The following TASOR2 variants were observed in gnomAD, a reference collection of about 807,000 sequenced individuals.
The protein encoded by TASOR2 is transcription activation suppressor family member 2, also known as protein TASOR 2.
TASOR2 carries 84 observed loss-of-function variants against 199.5 expected under a neutral mutation model. The observed-to-expected ratio is 0.42, with a 90% CI of 0.35 to 0.50. The LOEUF (loss-of-function observed/expected upper bound fraction) is 0.50, where lower values mean the gene tolerates loss of function less well. TASOR2 is among the 20% of genes least tolerant of loss of function. The probability of loss-of-function intolerance (pLI) is 0.02; values close to 1 mark genes in which losing one functional copy is unlikely to be tolerated. For synonymous variants in TASOR2, 1,103 were observed against 1,046.6 expected, an observed-to-expected ratio of 1.05 and a Z score of -1.04; for missense variants, 2,796 against 2,835.9, an observed-to-expected ratio of 0.99 and a Z score of 0.32.
Position 5,742,301 on chromosome 10 carries a change from G to C in TASOR2, c.2532G>C (p.Leu844Phe), listed in dbSNP as rs532857326. 1.9e-6 allele frequency: 3 copies of C among 1,614,160 alleles called. No homozygotes were observed. The highest frequency in any genetic ancestry group is 1.1e-5 in the South Asian group (1 of 91,082). The change falls in exon 14 of 21, where the codon TTG (leucine) becomes TTC (phenylalanine). Residue 844 changes from leucine (L) to phenylalanine (F), a missense_variant. Leu to Phe is a conservative substitution (Grantham distance 22). Around this residue, in one of 3 missense-constraint regions of TASOR2, gnomAD observed 1,941 missense variants for 1,924.9 expected, o/e 1.01. Coordinates refer to ENST00000328090, the Ensembl canonical transcript of TASOR2. This position sits in a 1 kb window ranked among gnomAD's most constrained non-coding sequence, Gnocchi z 4.2. The stretch of plus-strand genomic sequence containing the variant: ...GTGAAATTGAGGAGTCCCTTGGTTT[G>C]GAAAAATGTTCTGCAGACTCTCTGT...
rs1200447105 is a variant in TASOR2 at position 5,738,362 on chromosome 10, AC to A, written c.1448-1255del. On this transcript the variant is annotated intron_variant, in intron 12 of 20. Coordinates refer to ENST00000328090, the Ensembl canonical transcript of TASOR2. This position sits in a 1 kb window ranked among gnomAD's most constrained non-coding sequence, Gnocchi z 4.7. ...TACAGTATCTTTTATATTAGGCCTT[AC>A]TGGTAAGTAATATTTTGTGTAAGGG... Among the ~76,000 whole-genome samples, 3 of 152,182 alleles carry A rather than the reference AC, an allele frequency of 2.0e-5. No individual in the cohort carries two copies. The highest frequency in any genetic ancestry group is 4.4e-5 in the Non-Finnish European group (3 of 68,042).
At chr10:5,762,921 G>T (rs2131672250) in intron 20 of TASOR2, 108 bp from the exon 22 acceptor site, 1 of 1,021,768 alleles carries the variant, frequency 9.8e-7, no homozygotes, top group Middle Eastern at 2.2e-4. Flanking sequence ...AGAACATAAT[G>T]TAACCTTAGA....
chr10:5,747,432 G>A (rs758333168), exon 15 of TASOR2: 1 of 1,614,126 alleles, frequency 6.2e-7, no homozygotes, highest in Admixed American at 1.7e-5. Context: ...GCAGAGAAGT[G>A]AGTTCTGCTG....
chr10:5,740,621 A>G lies in TASOR2; in HGVS notation c.2327+124A>G. On this transcript the variant is annotated intron_variant, in intron 13 of 20. Transcript: ENST00000328090. This position sits in a 1 kb window ranked among gnomAD's most constrained non-coding sequence, Gnocchi z 5.3. ...AAGAAGTGTTGTGTTTAAAACCAGT[A>G]ATTTGATAATAACATCAAGCAAACA... The G allele has an allele frequency of 9.9e-7, 1 of 1,013,270 alleles. No homozygotes were observed. Among genetic ancestry groups the G allele is most frequent in the South Asian group, 1.7e-5 (1 of 58,862 alleles). The allele number at this position is 1,013,270 out of a possible 1,614,324, so 62.8% of individuals were successfully genotyped here.
chr10:5,753,739 C>T (rs1838423006), intron 15 of TASOR2, among the ~76,000 whole-genome samples: 1 of 152,162 alleles, frequency 6.6e-6, no homozygotes, highest in Non-Finnish European at 1.5e-5. Flanking sequence ...AGTTCCTTGC[C>T]ATTTCGGTAA....
intron 15 of TASOR2, among the ~76,000 whole-genome samples, chr10:5,753,470 C>T (rs1838361752): frequency 6.6e-6 from 1 of 152,200 alleles, no homozygotes; most frequent in African/African-American, 2.4e-5. Flanking sequence ...TCACACCATT[C>T]TCCTGCCTCT....
At chr10:5,744,103 C>T (rs1288716134) in intron 14 of TASOR2, 1 of 152,126 alleles carries the variant, frequency 6.6e-6, no homozygotes. Flanking sequence ...AGAAATATAT[C>T]AAGATTGTCA....
chr10:5,697,091 G>GAAT (rs1837254856), intron 1 of TASOR2, among the ~76,000 whole-genome samples: 2 of 151,950 alleles, frequency 1.3e-5, no homozygotes, highest in African/African-American at 4.8e-5. Flanking sequence ...GACTTTCTAG[G>GAAT]TTGAAAGGGC....
In TASOR2 at chr10:5,754,634, A is replaced by G. The variant is rs1195522959; in HGVS notation, c.6607-1979A>G. 1.3e-5 allele frequency among the ~76,000 whole-genome samples: 2 copies of G among 151,996 alleles called. No homozygotes were observed. Among genetic ancestry groups the G allele is most frequent in the Non-Finnish European group, 2.9e-5 (2 of 67,988 alleles). ...CGAACTCCATAGCAGGAGTTCTTCT[A>G]GATATCTTGCTTGTTTCTATAGTGA... On this transcript the variant is annotated intron_variant, in intron 15 of 20. Transcript: ENST00000328090. The surrounding 1 kb of genome is among the most constrained non-coding windows in gnomAD (Gnocchi z 4.3).
chr10:5,762,846 C>A, intron 20 of TASOR2, 183 bp from the exon 22 acceptor site: 1 of 637,430 alleles, frequency 1.6e-6, no homozygotes, highest in South Asian at 2.1e-5. Context: ...AAGTAACCAT[C>A]TACTAAAATT....
chr10:5,716,262 C>T (rs1240095684), intron 2 of TASOR2, among the ~76,000 whole-genome samples: 1 of 152,048 alleles, frequency 6.6e-6, no homozygotes, highest in Admixed American at 6.6e-5. Flanking sequence ...TTTCTTTATC[C>T]ATTCATCAAT....
Position 5,685,174 on chromosome 10 carries a change from G to A in TASOR2, c.-289G>A. On this transcript the variant is annotated splice_region_variant and 5_prime_UTR_variant, in exon 1 of 21. Transcript: ENST00000328090. The surrounding 1 kb of genome is among the most constrained non-coding windows in gnomAD (Gnocchi z 5.4). ...CGGGGGCGGCGGCCACGCCAAGGAC[G>A]GGTAAGTCCCTCCTCGGCCTGGGCG... 1 of 398,038 alleles carries A rather than the reference G, an allele frequency of 2.5e-6. No individual in the cohort carries two copies. The highest frequency in any genetic ancestry group is 3.6e-5 in the East Asian group (1 of 28,032). 24.7% of individuals were successfully genotyped at this position (398,038 alleles called of 1,614,324 possible).
intron 11 of TASOR2, among the ~76,000 whole-genome samples, chr10:5,731,890 T>G (rs1366995732): frequency 6.6e-6 from 1 of 152,228 alleles, no homozygotes; most frequent in Non-Finnish European, 1.5e-5. Context: ...CAAACCGTGA[T>G]AGCTGACAGC....
In TASOR2 at chr10:5,742,606, C is replaced by A. The variant is rs2131617279; in HGVS notation, c.2757+80C>A. 7.4e-7 allele frequency: 1 copy of A among 1,359,750 alleles called. No homozygotes were observed. The highest frequency in any genetic ancestry group is 1.0e-6 in the Non-Finnish European group (1 of 989,120). 84.2% of individuals were successfully genotyped at this position (1,359,750 alleles called of 1,614,324 possible). A position where few individuals can be genotyped will look rare whatever the true frequency, so the allele number is the denominator to read the frequency against. Reference sequence around the variant, plus strand: ...TTTATATGTAAAATCACATTCAAAACAAGGCATTTTTAAATTTTAGGACAG... The same window carrying A: ...TTTATATGTAAAATCACATTCAAAAAAAGGCATTTTTAAATTTTAGGACAG... On this transcript the variant is annotated intron_variant, in intron 14 of 20. Coordinates refer to ENST00000328090, the Ensembl canonical transcript of TASOR2. This position sits in a 1 kb window ranked among gnomAD's most constrained non-coding sequence, Gnocchi z 4.2.
Position 5,762,526 on chromosome 10 carries a change from T to TTTTTTAAA in TASOR2, c.7175-6_7175-5insTTTTTAAA. ...ACCAAAAGTTGTTTTTTTTTTTTTT[T>TTTTTTAAA]AACAGACAAGCCTACTATCCCCAGA... On this transcript the variant is annotated splice_region_variant and splice_polypyrimidine_tract_variant and intron_variant, in intron 19 of 20. Transcript: ENST00000328090. 1 of 699,660 alleles carries TTTTTTAAA rather than the reference T, an allele frequency of 1.4e-6. No homozygotes were observed. Among genetic ancestry groups the TTTTTTAAA allele is most frequent in the Non-Finnish European group, 2.2e-6 (1 of 449,622 alleles). 43.3% of individuals were successfully genotyped at this position (699,660 alleles called of 1,614,324 possible).
Position 5,720,781 on chromosome 10 carries a change from A to C in TASOR2, c.46+7A>C. ...CTTGAACGCAGTGAAAATGGTAAGA[A>C]ATAGTTCATTGATTCTTTTAGGTTT... On this transcript the variant is annotated splice_region_variant and intron_variant, in intron 5 of 20. Transcript: ENST00000328090. The surrounding 1 kb of genome is among the most constrained non-coding windows in gnomAD (Gnocchi z 5.3). The C allele has an allele frequency of 6.2e-7, 1 of 1,610,760 alleles. No individual in the cohort carries two copies. The highest frequency in any genetic ancestry group is 8.5e-7 in the Non-Finnish European group (1 of 1,179,156).
intron 17 of TASOR2, 103 bp downstream of exon 18, chr10:5,757,776 A>G (rs1839176804): frequency 3.9e-6 from 5 of 1,276,342 alleles, no homozygotes; most frequent in Non-Finnish European, 5.5e-6. Flanking sequence ...ACTCTAAGGA[A>G]TATCAGTTGC....
exon 15 of TASOR2, chr10:5,749,124 G>T (rs376426022): frequency 1.4e-5 from 23 of 1,613,916 alleles, no homozygotes; most frequent in Non-Finnish European, 1.9e-5. Flanking sequence ...GGACTGCTGC[G>T]GTAAAGAAAG....
chr10:5,731,047 A>C (rs1290422076), exon 11 of TASOR2: 1 of 1,614,146 alleles, frequency 6.2e-7, no homozygotes, highest in East Asian at 2.2e-5. Context: ...AGTGCAGCCT[A>C]AGAGGAAGGC....
Sources: allele counts gnomAD v4.1 joint callset (sites outside exome capture counted in the v4.1 genomes callset), GRCh38; gene constraint gnomAD v4.1.1; regional missense constraint gnomAD v4.1.1; non-coding constraint Gnocchi (gnomAD v3.1); transcripts MANE v1.5; gene names NCBI Gene and HGNC (gene_info 2026-07-23, HGNC 2026-07-21).